ZNF418: variants seen among roughly 807,000 people sequenced by gnomAD.
ZNF418 encodes the protein zinc finger protein 418.
A neutral mutation model predicts 32.0 loss-of-function variants in ZNF418; 32 were observed. That is an observed-to-expected ratio of 1.00 (90% CI 0.75 to 1.34). ZNF418 has a LOEUF of 1.34. Among genes scored for constraint, ZNF418 ranks in the 40% most tolerant of loss-of-function variants. The probability of loss-of-function intolerance (pLI) is 0.00; values close to 1 mark genes in which losing one functional copy is unlikely to be tolerated. For missense variants in ZNF418, 804 were observed against 812.5 expected (o/e 0.99, Z 0.13); for synonymous variants, 276 against 270.7 (o/e 1.02, Z -0.19).
At position 57,926,869 on chromosome 19, in the gene ZNF418, T is replaced by A; in HGVS notation, c.1312A>T (p.Lys438Ter). Residue 438 changes from lysine (K) to a stop codon, truncating the protein, a stop_gained, in exon 4 of 6, where the codon AAG (lysine) becomes TAG (stop). Coordinates refer to ENST00000396147, the MANE Select transcript of ZNF418 (RefSeq NM_133460.3). LOFTEE classifies it low-confidence loss of function (END_TRUNC). ...CGECGKSFSR[K>*]GNLIQHQRSH... ...CGCTGATGCTGAATGAGGTTGCCCT[T>A]TCGACTAAAAGATTTCCCACATTCT... The A allele has an allele frequency of 6.2e-7, 1 of 1,614,152 alleles. No individual in the cohort carries two copies. Among genetic ancestry groups the A allele is most frequent in the Admixed American group, 1.7e-5 (1 of 60,016 alleles).
rs575095376 is a variant in ZNF418 at position 57,928,516 on chromosome 19, G to A, written c.134-469C>T. Among the ~76,000 whole-genome samples, 5 of 152,096 alleles carry A rather than the reference G, an allele frequency of 3.3e-5. No individual in the cohort carries two copies. The South Asian group carries it at 6.2e-4, about 19-fold the overall frequency. On this transcript the variant is annotated intron_variant, in intron 3 of 5. Coordinates refer to ENST00000396147, the MANE Select transcript of ZNF418 (RefSeq NM_133460.3). ...CAGGTTCAAGAAATCCACCCACATCGGCCTCCCAAAGTGCTGGGATTACAG... is the reference window on the plus strand; with the variant it reads ...CAGGTTCAAGAAATCCACCCACATCAGCCTCCCAAAGTGCTGGGATTACAG...
intron 4 of ZNF418, among the ~76,000 whole-genome samples, chr19:57,923,503 T>TAC (rs1014799341): frequency 6.7e-6 from 1 of 149,712 alleles, no homozygotes; most frequent in Admixed American, 6.7e-5. Flanking sequence ...TATACATATA[T>TAC]ACACACACAT....
At chr19:57,930,835 T>G (rs764934130) in intron 2 of ZNF418, among the ~76,000 whole-genome samples, 1 of 152,210 alleles carries the variant, frequency 6.6e-6, no homozygotes, top group Non-Finnish European at 1.5e-5. Context: ...TGGAGTGCAG[T>G]GGCATGACCT....
At chr19:57,925,302 T>C (rs1305519357) in intron 4 of ZNF418, among the ~76,000 whole-genome samples, 1 of 151,648 alleles carries the variant, frequency 6.6e-6, no homozygotes, top group African/African-American at 2.4e-5. Context: ...CTACTAAAAA[T>C]ACAAAAAAAT....
Position 57,932,393 on chromosome 19 carries a change from A to T in ZNF418, c.6+1424T>A, listed in dbSNP as rs917890702. ...CCACAATGTGGCTGACAGAATTCAGAGTATGCTTGGCAAATTCAAACAGGA... is the reference window on the plus strand; with the variant it reads ...CCACAATGTGGCTGACAGAATTCAGTGTATGCTTGGCAAATTCAAACAGGA... On this transcript the variant is annotated intron_variant, in intron 2 of 5. Transcript: ENST00000396147. 14 of 1,525,284 alleles carry T rather than the reference A, an allele frequency of 9.2e-6. No homozygotes were observed. The African/African-American group carries it at 1.8e-4, about 19-fold the overall frequency. The allele number at this position is 1,525,284 out of a possible 1,614,324, so 94.5% of individuals were successfully genotyped here.
chr19:57,923,236 G>C lies in ZNF418; in HGVS notation c.*581C>G, dbSNP rs1397838682. On this transcript the variant is annotated 3_prime_UTR_variant, in exon 5 of 6. Coordinates refer to ENST00000396147, the MANE Select transcript of ZNF418 (RefSeq NM_133460.3). ...GAATCGCTTGAACCCTGGAGGTGGA[G>C]GCTGCAGTGAGCTGAGATCGTGCCA... The C allele has an allele frequency of 6.6e-6, 1 of 151,476 alleles. No homozygotes were observed. Among genetic ancestry groups the C allele is most frequent in the African/African-American group, 2.4e-5 (1 of 41,156 alleles). The allele number at this position is 151,476 out of a possible 1,614,324, so 9.4% of individuals were successfully genotyped here.
intron 2 of ZNF418, chr19:57,932,516 C>T (rs2123043283): frequency 6.5e-7 from 1 of 1,535,394 alleles, no homozygotes; most frequent in African/African-American, 1.4e-5. Context: ...CCCCACAGAA[C>T]CAGGTGGGGC....
intron 1 of ZNF418, chr19:57,934,301 G>T: frequency 1.2e-6 from 1 of 825,824 alleles, no homozygotes; most frequent in Non-Finnish European, 1.5e-6. Context: ...CGCAACCTCT[G>T]CCTCCCGAGT....
chr19:57,924,422 C>T (rs1003305770), intron 4 of ZNF418, among the ~76,000 whole-genome samples: 26 of 152,120 alleles, frequency 1.7e-4, no homozygotes, highest in African/African-American at 6.0e-4. Context: ...CAGGAATCCA[C>T]GAATCCTTTA....
chr19:57,932,059 A>G (rs2072509683), intron 2 of ZNF418, among the ~76,000 whole-genome samples: 1 of 152,246 alleles, frequency 6.6e-6, no homozygotes, highest in Non-Finnish European at 1.5e-5. Flanking sequence ...TGTGGACAAC[A>G]AATGGAAACC....
intron 5 of ZNF418, among the ~76,000 whole-genome samples, 192 bp from the exon 6 acceptor site, chr19:57,922,821 G>A (rs1478285893): frequency 1.3e-5 from 2 of 151,890 alleles, no homozygotes; most frequent in African/African-American, 4.8e-5. Context: ...GCAACATAGT[G>A]AGACCTAATC....
chr19:57,926,000 G>T lies in ZNF418; in HGVS notation c.*150C>A, dbSNP rs1411471466. On this transcript the variant is annotated 3_prime_UTR_variant, in exon 4 of 6. Transcript: ENST00000396147. ...TTCATCGCACTCAAGAGGCCCTTCT[G>T]CAGTGGGAGCTCTTCTGTATGTAAT... is the stretch of plus-strand genomic sequence containing the variant. The T allele has an allele frequency of 6.2e-6, 4 of 646,826 alleles. No individual in the cohort carries two copies. Among genetic ancestry groups the T allele is most frequent in the Non-Finnish European group, 1.1e-5 (4 of 379,898 alleles). 40.1% of individuals were successfully genotyped at this position (646,826 alleles called of 1,614,324 possible). A position where few individuals can be genotyped will look rare whatever the true frequency, so the allele number is the denominator to read the frequency against.
At position 57,926,627 on chromosome 19, in the gene ZNF418, T is replaced by C. The variant is rs761617650; in HGVS notation, c.1554A>G (p.Ser518=). The change falls in exon 4 of 6, where the codon TCA becomes TCG. Residue 518 remains serine, a synonymous_variant. Transcript: ENST00000396147. The part of the protein sequence containing the change: ...KPFECSECGK[S]FPQSCSLLRH... The stretch of plus-strand genomic sequence containing the variant: ...GAAGGAGGGAACAGCTTTGAGGAAA[T>C]GACTTCCCACATTCACTACACTCAA... 5 of 1,613,956 alleles carry C rather than the reference T, an allele frequency of 3.1e-6. No homozygotes were observed. The Admixed American group carries it at 5.0e-5, about 16-fold the overall frequency.
intron 2 of ZNF418, chr19:57,932,463 G>A (rs2072524267): frequency 6.5e-7 from 1 of 1,535,276 alleles, no homozygotes; most frequent in South Asian, 1.2e-5. Flanking sequence ...TAGCAATGCA[G>A]TCCCAAGTCA....
chr19:57,929,139 G>A lies in ZNF418; in HGVS notation c.134-1092C>T, dbSNP rs144481064. Among the ~76,000 whole-genome samples, 523 of 152,336 alleles carry A rather than the reference G, an allele frequency of 3.4e-3. 1 individual carries two copies. Among genetic ancestry groups the A allele is most frequent in the Middle Eastern group, 0.027 (8 of 294 alleles). ...GTGGAGTCCAGAGACTGGAAGATTC[G>A]TTGGGGGATGGACATCAGAGTACAA... is the stretch of plus-strand genomic sequence containing the variant. On this transcript the variant is annotated intron_variant, in intron 3 of 5. Coordinates refer to ENST00000396147, the MANE Select transcript of ZNF418 (RefSeq NM_133460.3).
At chr19:57,928,659 A>T (rs545488870) in intron 3 of ZNF418, among the ~76,000 whole-genome samples, 3 of 152,228 alleles carry the variant, frequency 2.0e-5, no homozygotes, top group Non-Finnish European at 4.4e-5. Context: ...TAAGAAAATG[A>T]TTTACAAGAC....
intron 4 of ZNF418, among the ~76,000 whole-genome samples, chr19:57,925,332 G>A (rs1218966752): frequency 2.0e-5 from 3 of 151,998 alleles, no homozygotes; most frequent in African/African-American, 7.3e-5. Context: ...ATGGTGGTGG[G>A]CACCTGTAGT....
At chr19:57,924,169 T>C (rs558772757) in intron 4 of ZNF418, among the ~76,000 whole-genome samples, 1 of 151,682 alleles carries the variant, frequency 6.6e-6, no homozygotes, top group South Asian at 2.1e-4. Context: ...AAACATGGAT[T>C]TTCTATTATT....
At chr19:57,930,771 G>A (rs1399439990) in intron 2 of ZNF418, among the ~76,000 whole-genome samples, 1 of 152,054 alleles carries the variant, frequency 6.6e-6, no homozygotes, top group South Asian at 2.1e-4. Context: ...AGGGATCTAT[G>A]CTGTGCTTGT....
Sources: gnomAD v4.1 joint callset for allele counts (sites outside exome capture counted in the v4.1 genomes callset) on GRCh38, gnomAD v4.1.1 for gene constraint, MANE v1.5 for transcripts, NCBI Gene and HGNC (gene_info 2026-07-23, HGNC 2026-07-21) for gene names.